MSI2: variants seen among roughly 807,000 people sequenced by gnomAD.
The protein encoded by MSI2 is RNA-binding protein Musashi homolog 2.
Under a neutral mutation model 45.6 loss-of-function variants are expected in MSI2, and 17 were observed. The ratio of observed to expected loss-of-function variants is 0.37; its 90% CI spans 0.26 to 0.56. The LOEUF is 0.56. MSI2 is among the 20% of genes least tolerant of loss of function. MSI2 has a pLI of 0.77. For synonymous variants in MSI2, 156 were observed against 158.2 expected, an observed-to-expected ratio of 0.99 and a Z score of 0.11; for missense variants, 293 against 444.2, an observed-to-expected ratio of 0.66 and a Z score of 3.06.
upstream of MSI2, chr17:57,256,455 AG>A: frequency 1.0e-5 from 1 of 98,930 alleles, no homozygotes; most frequent in Admixed American, 1.5e-4. Flanking sequence ...GAGGAGGAGG[AG>A]GAGATGGGGG....
At chr17:57,446,806 C>T (rs931363130) in intron 6 of MSI2, among the ~76,000 whole-genome samples, 2 of 152,156 alleles carry the variant, frequency 1.3e-5, no homozygotes, top group African/African-American at 4.8e-5. Flanking sequence ...GCAGAAGGAA[C>T]CCACACGGAC....
At chr17:57,378,834 G>T (rs1479991119) in intron 5 of MSI2, among the ~76,000 whole-genome samples, 1 of 152,214 alleles carries the variant, frequency 6.6e-6, no homozygotes, top group African/African-American at 2.4e-5. Flanking sequence ...GCCCCAAACT[G>T]AATTATCCCT....
intron 11 of MSI2, among the ~76,000 whole-genome samples, chr17:57,674,279 G>T (rs1229088020): frequency 2.0e-5 from 3 of 148,722 alleles, no homozygotes; most frequent in East Asian, 2.0e-4. Context: ...GGGGAGGGGC[G>T]GGTGGTGGGG....
At chr17:57,577,029 C>T (rs1317072178) in intron 7 of MSI2, among the ~76,000 whole-genome samples, 1 of 152,066 alleles carries the variant, frequency 6.6e-6, no homozygotes, top group Non-Finnish European at 1.5e-5. Flanking sequence ...CAAGATAGAC[C>T]ACATCAGAGG....
intron 6 of MSI2, among the ~76,000 whole-genome samples, chr17:57,454,418 CTCTTTT>C (rs1458982554): frequency 6.6e-6 from 1 of 151,162 alleles, no homozygotes; most frequent in African/African-American, 2.4e-5. Context: ...TCCTCTCTCT[CTCTTTT>C]TCTTTTTCTC....
At chr17:57,515,931 A>G (rs989889982) in intron 6 of MSI2, among the ~76,000 whole-genome samples, 2 of 152,162 alleles carry the variant, frequency 1.3e-5, no homozygotes, top group Admixed American at 1.3e-4. Context: ...AAAATAGTGT[A>G]GGACTCACAA....
chr17:57,414,365 G>A (rs980387717), intron 6 of MSI2, among the ~76,000 whole-genome samples: 1 of 151,872 alleles, frequency 6.6e-6, no homozygotes, highest in African/African-American at 2.4e-5. Flanking sequence ...AGTCATTGGA[G>A]AAGGAGTTTC....
At chr17:57,342,792 G>C (rs1375079669) in intron 5 of MSI2, among the ~76,000 whole-genome samples, 1 of 152,002 alleles carries the variant, frequency 6.6e-6, no homozygotes, top group African/African-American at 2.4e-5. Context: ...ATGATAGAAG[G>C]GGAAAATGAG....
rs1156942821 is a variant in MSI2 at position 57,407,412 on chromosome 17, G to A, written c.405+5941G>A. Among the ~76,000 whole-genome samples, 1 of 152,242 alleles carries A rather than the reference G, an allele frequency of 6.6e-6. No homozygotes were observed. Among genetic ancestry groups the A allele is most frequent in the Non-Finnish European group, 1.5e-5 (1 of 68,050 alleles). On this transcript the variant is annotated intron_variant, in intron 6 of 13. Coordinates refer to ENST00000284073, the MANE Select transcript of MSI2 (RefSeq NM_138962.4). This position sits in a 1 kb window ranked among gnomAD's most constrained non-coding sequence, Gnocchi z 4.1. ...TTGAAATTTAAAAGGCATGAGATCT[G>A]TGAGAAGATAAATAAGCCTGAGAGT...
intron 5 of MSI2, among the ~76,000 whole-genome samples, chr17:57,324,183 G>A (rs897868559): frequency 1.3e-5 from 2 of 152,196 alleles, no homozygotes; most frequent in Non-Finnish European, 2.9e-5. Context: ...TTTTGCGGGT[G>A]GAGTCTGAGG....
chr17:57,511,059 C>T (rs1274425660), intron 6 of MSI2, among the ~76,000 whole-genome samples: 1 of 152,152 alleles, frequency 6.6e-6, no homozygotes, highest in Admixed American at 6.5e-5. Flanking sequence ...AGTCTTGACC[C>T]TTTGGAGGAG....
At chr17:57,266,800 GC>G (rs1343119405) in intron 5 of MSI2, 1 of 152,252 alleles carries the variant, frequency 6.6e-6, no homozygotes, top group Non-Finnish European at 1.5e-5. Context: ...ACTGAGTCCA[GC>G]CTGCTTTTTT....
intron 8 of MSI2, among the ~76,000 whole-genome samples, chr17:57,602,394 C>G (rs1905993412): frequency 6.6e-6 from 1 of 152,056 alleles, no homozygotes; most frequent in Admixed American, 6.6e-5. Flanking sequence ...ATTCTGTCAC[C>G]CAGGCTGGAG....
At chr17:57,642,174 T>C (rs1475414899) in intron 10 of MSI2, among the ~76,000 whole-genome samples, 1 of 152,260 alleles carries the variant, frequency 6.6e-6, no homozygotes, top group Non-Finnish European at 1.5e-5. Context: ...GAATTACTTG[T>C]GTCTTGGTCA....
intron 7 of MSI2, chr17:57,566,128 G>A (rs1373156273): frequency 6.6e-6 from 1 of 152,122 alleles, no homozygotes; most frequent in Non-Finnish European, 1.5e-5. Context: ...TGGAGAAATC[G>A]AGAAGTAGCA....
At chr17:57,310,250 G>C (rs996991959) in intron 5 of MSI2, among the ~76,000 whole-genome samples, 3 of 152,198 alleles carry the variant, frequency 2.0e-5, no homozygotes, top group African/African-American at 4.8e-5. Flanking sequence ...TCTTCCTAAA[G>C]GCATCGGTGC....
chr17:57,429,528 C>T (rs1034894099), intron 6 of MSI2, among the ~76,000 whole-genome samples: 11 of 152,078 alleles, frequency 7.2e-5, no homozygotes, highest in African/African-American at 2.7e-4. Flanking sequence ...CTGTTAGGGA[C>T]CAGATAGCAA....
chr17:57,478,666 C>A (rs1268266119), intron 6 of MSI2, among the ~76,000 whole-genome samples: 2 of 152,136 alleles, frequency 1.3e-5, no homozygotes, highest in East Asian at 3.9e-4. Context: ...TCAGACTGCC[C>A]TGGGAGAATC....
chr17:57,293,607 G>GTTTTTTTTTTTTTTTTTTTGT (rs59810704), intron 5 of MSI2, among the ~76,000 whole-genome samples: 1 of 68,866 alleles, frequency 1.5e-5, no homozygotes, highest in African/African-American at 4.0e-5. Flanking sequence ...TTTTTTTTTT[G>GTTTTTTTTTTTTTTTTTTTGT]TTTTTTTTTG....
Sources: gnomAD v4.1 joint callset for allele counts (sites outside exome capture counted in the v4.1 genomes callset) on GRCh38, gnomAD v4.1.1 for gene constraint, Gnocchi (gnomAD v3.1) non-coding constraint, MANE v1.5 for transcripts, NCBI Gene and HGNC (gene_info 2026-07-23, HGNC 2026-07-21) for gene names.